Variants in CCK observed in about 807,000 individuals in gnomAD.
CCK encodes cholecystokinin, also known as cholecystokinin triacontatriapeptide.
Under a neutral mutation model 10.1 loss-of-function variants are expected in CCK, and 11 were observed. That is an observed-to-expected ratio of 1.09 (90% CI 0.69 to 1.81). CCK has a LOEUF of 1.81. CCK is among the 40% of genes most tolerant of loss of function. The pLI, the probability that CCK is intolerant of heterozygous loss-of-function variation, is 0.00. For missense variants in CCK, 137 were observed against 159.9 expected, an observed-to-expected ratio of 0.86 and a Z score of 0.77; for synonymous variants, 83 against 71.9, an observed-to-expected ratio of 1.15 and a Z score of -0.78.
At chr3:42,262,760 T>C (rs1577102760) in intron 4 of CCK, among the ~76,000 whole-genome samples, 2 of 141,574 alleles carry the variant, frequency 1.4e-5, no homozygotes, top group African/African-American at 2.6e-5. Context: ...ACTCGGCTAG[T>C]GAGCTGCTGA....
At position 42,263,538 on chromosome 3, in the gene CCK, G is replaced by A. The variant is rs964965695; in HGVS notation, c.93C>T (p.Ser31=). 3.1e-6 allele frequency: 5 copies of A among 1,612,766 alleles called. No individual in the cohort carries two copies. The highest frequency in any genetic ancestry group is 2.7e-5 in the African/African-American group (2 of 75,034). The change falls in exon 4 of 5, where the codon TCC becomes TCT. Residue 31 remains serine (S), a synonymous_variant. Coordinates refer to ENST00000396169, the MANE Select transcript of CCK (RefSeq NM_000729.6). The part of the protein sequence containing the change: ...QPVPPADPAG[S]GLQRAEEAPR... Reference sequence around the variant, plus strand: ...GCGCCTCCTCTGCCCGCTGCAGCCCGGAGCCCGCGGGATCTGCGGGAGGCA... The same window carrying A: ...GCGCCTCCTCTGCCCGCTGCAGCCCAGAGCCCGCGGGATCTGCGGGAGGCA...
At chr3:42,259,016 T>C (rs1711176246) in intron 4 of CCK, among the ~76,000 whole-genome samples, 1 of 152,228 alleles carries the variant, frequency 6.6e-6, no homozygotes, top group Non-Finnish European at 1.5e-5. Context: ...TGGAGTACTA[T>C]GCAGCCATAA....
chr3:42,258,147 C>T lies in CCK; in HGVS notation c.299G>A (p.Trp100Ter), dbSNP rs1711162031. ...GGCACTGCGACGGCCAAAATCCATC[C>T]AGCCCATGTAGTCCCGGTCACTTAT... ...HRISDRDYMG[W>*]MDFGRRSAEE... Residue 100 changes from tryptophan (W) to a stop codon, truncating the protein, a stop_gained, in exon 5 of 5, where the codon TGG (tryptophan) becomes TAG (stop). Transcript: ENST00000396169. LOFTEE classifies it high-confidence loss of function. 2 of 1,614,166 alleles carry T rather than the reference C, an allele frequency of 1.2e-6. No homozygotes were observed. Among genetic ancestry groups the T allele is most frequent in the African/African-American group, 1.3e-5 (1 of 75,044 alleles).
rs1015662269 is a variant in CCK at position 42,259,370 on chromosome 3, C to A, written c.215-1139G>T. 2.0e-5 allele frequency among the ~76,000 whole-genome samples: 3 copies of A among 152,098 alleles called. No homozygotes were observed. In the South Asian group the frequency reaches 6.2e-4, roughly 32 times the overall value. ...TATAATAAAAAATAGATAAATAAAG[C>A]TCCTTTGCTACATAAATACTCTTTT... is the stretch of plus-strand genomic sequence containing the variant. On this transcript the variant is annotated intron_variant, in intron 4 of 4. Coordinates refer to ENST00000396169, the MANE Select transcript of CCK (RefSeq NM_000729.6).
At chr3:42,260,263 G>A (rs1344196922) in intron 4 of CCK, among the ~76,000 whole-genome samples, 1 of 152,136 alleles carries the variant, frequency 6.6e-6, no homozygotes, top group Admixed American at 6.5e-5. Context: ...TCATTCAGGT[G>A]AAATATTACC....
rs770116662 is a variant in CCK at position 42,257,939 on chromosome 3, A to C, written c.*159T>G. On this transcript the variant is annotated 3_prime_UTR_variant, in exon 5 of 5. Transcript: ENST00000396169. ...CTGGTGAGGTGTGTGGTTGCACTGG[A>C]CAATCTTACAGACACATTTTTCACA... is the stretch of plus-strand genomic sequence containing the variant. The C allele has an allele frequency of 4.1e-6, 3 of 736,952 alleles. No homozygotes were observed. Among genetic ancestry groups the C allele is most frequent in the Non-Finnish European group, 6.4e-6 (3 of 465,362 alleles). 45.7% of individuals were successfully genotyped at this position (736,952 alleles called of 1,614,324 possible).
rs1469106293 is a variant in CCK at position 42,265,805 on chromosome 3, CCCGGCT to C, written c.-510_-505del. The C allele has an allele frequency of 6.6e-6, 1 of 152,280 alleles. No individual in the cohort carries two copies. The highest frequency in any genetic ancestry group is 1.5e-5 in the Non-Finnish European group (1 of 68,102). The allele number at this position is 152,280 out of a possible 1,614,324, so 9.4% of individuals were successfully genotyped here. A position where few individuals can be genotyped will look rare whatever the true frequency, so the allele number is the denominator to read the frequency against. On this transcript the variant is annotated 5_prime_UTR_variant, in exon 1 of 5. Coordinates refer to ENST00000396169, the MANE Select transcript of CCK (RefSeq NM_000729.6). ...GCCTTTCCCTGCACGCGGTTACTCT[CCCGGCT>C]CCGGAGCGGGCCGACCTGGAGCCCC...
At chr3:42,260,453 T>TG (rs1056172941) in intron 4 of CCK, among the ~76,000 whole-genome samples, 2 of 152,100 alleles carry the variant, frequency 1.3e-5, no homozygotes, top group African/African-American at 4.8e-5. Context: ...CAGTTAACGG[T>TG]GGGGGCACCA....
chr3:42,261,044 G>A (rs914745458), intron 4 of CCK, among the ~76,000 whole-genome samples: 1 of 152,134 alleles, frequency 6.6e-6, no homozygotes, highest in African/African-American at 2.4e-5. Flanking sequence ...TACTGAGAAA[G>A]ACAATATAGA....
In CCK at chr3:42,263,484, T is replaced by C. The variant is rs776791061; in HGVS notation, c.147A>G (p.Arg49=). ...APRRQLRVSQ[R]TDGESRAHLG... is the part of the protein sequence containing the mutation. ...GGTGCGCTCGGGACTCGCCATCCGT[T>C]CTCTGCGATACCCTCAGCTGCCTAC... The change falls in exon 4 of 5, where the codon AGA becomes AGG. Residue 49 remains arginine (R), a synonymous_variant. Transcript: ENST00000396169. 3.1e-6 allele frequency: 5 copies of C among 1,614,012 alleles called. No individual in the cohort carries two copies. In the Admixed American group the frequency reaches 8.3e-5, roughly 27 times the overall value.
intron 3 of CCK, 46 bp from the exon 4 acceptor site, chr3:42,263,678 A>C: frequency 6.8e-7 from 1 of 1,472,358 alleles, no homozygotes; most frequent in Non-Finnish European, 9.0e-7. Context: ...AAGGCTGGGC[A>C]ACAGAGCTCC....
At chr3:42,262,172 A>G (rs1711223706) in intron 4 of CCK, among the ~76,000 whole-genome samples, 1 of 151,244 alleles carries the variant, frequency 6.6e-6, no homozygotes, top group South Asian at 2.1e-4. Flanking sequence ...TTCATGGAAA[A>G]GGCAACACAC....
At chr3:42,260,888 C>T (rs11571857) in intron 4 of CCK, among the ~76,000 whole-genome samples, 14 of 152,180 alleles carry the variant, frequency 9.2e-5, no homozygotes, top group Non-Finnish European at 1.5e-4. Context: ...GGCTTCCAGG[C>T]CCTCCTGGGG....
intron 4 of CCK, among the ~76,000 whole-genome samples, chr3:42,261,472 G>A (rs1283313693): frequency 1.3e-5 from 2 of 152,138 alleles, no homozygotes; most frequent in African/African-American, 2.4e-5. Flanking sequence ...TCCCTCCTGG[G>A]TTTGTTTGGC....
intron 4 of CCK, among the ~76,000 whole-genome samples, chr3:42,260,498 C>G (rs1711196170): frequency 6.6e-6 from 1 of 152,216 alleles, no homozygotes; most frequent in Admixed American, 6.5e-5. Context: ...ATCACACACC[C>G]TGACTTCCCC....
chr3:42,265,393 C>T lies in CCK; in HGVS notation c.-338G>A, dbSNP rs1218048047. On this transcript the variant is annotated 5_prime_UTR_variant, in exon 2 of 5. Coordinates refer to ENST00000396169, the MANE Select transcript of CCK (RefSeq NM_000729.6). ...AGTGTTCTGGGTCAGTGAAAGGGCT[C>T]TGGCCACAGCTGGCTCTTGGTGTCC... 2.0e-5 allele frequency: 3 copies of T among 152,430 alleles called. No individual in the cohort carries two copies. The highest frequency in any genetic ancestry group is 4.4e-5 in the Non-Finnish European group (3 of 68,222). The allele number at this position is 152,430 out of a possible 1,614,324, so 9.4% of individuals were successfully genotyped here.
rs1296331059 is a variant in CCK, at chr3:42,263,809, G to T, written c.-2-177C>A. 5.3e-5 allele frequency: 59 copies of T among 1,107,294 alleles called. 1 individual carries two copies. Among genetic ancestry groups the T allele is most frequent in the Non-Finnish European group, 6.8e-5 (56 of 828,772 alleles). The allele number at this position is 1,107,294 out of a possible 1,614,324, so 68.6% of individuals were successfully genotyped here. On this transcript the variant is annotated intron_variant, in intron 3 of 4. Transcript: ENST00000396169. ...ACCCCAGCCGAGTGCCATGGCGCGC[G>T]CCCCCGGGCGCACCTGGCTGGTCTT...
Position 42,258,149 on chromosome 3 carries a change from G to T in CCK, c.297C>A (p.Gly99=), listed in dbSNP as rs1711162120. ...CACTGCGACGGCCAAAATCCATCCA[G>T]CCCATGTAGTCCCGGTCACTTATCC... ...SHRISDRDYM[G]WMDFGRRSAE... Residue 99 remains glycine (G), a synonymous_variant, in exon 5 of 5, where the codon GGC becomes GGA. Transcript: ENST00000396169. 2 of 1,614,126 alleles carry T rather than the reference G, an allele frequency of 1.2e-6. No individual in the cohort carries two copies.
chr3:42,260,797 C>T (rs1211373069), intron 4 of CCK, among the ~76,000 whole-genome samples: 2 of 152,166 alleles, frequency 1.3e-5, no homozygotes, highest in Non-Finnish European at 2.9e-5. Flanking sequence ...CAGTGACTTT[C>T]TTAGCTCTTG....
Sources: allele counts gnomAD v4.1 joint callset (sites outside exome capture counted in the v4.1 genomes callset), GRCh38; gene constraint gnomAD v4.1.1; transcripts MANE v1.5; gene names NCBI Gene and HGNC (gene_info 2026-07-23, HGNC 2026-07-21).